CACNA2D3: variants seen among roughly 807,000 people sequenced by gnomAD.
CACNA2D3 encodes the protein voltage-dependent calcium channel subunit alpha-2/delta-3.
A neutral mutation model predicts 160.6 loss-of-function variants in CACNA2D3; 60 were observed. That is an observed-to-expected ratio of 0.37 (90% CI 0.30 to 0.46). The LOEUF (loss-of-function observed/expected upper bound fraction) is 0.46, where lower values mean the gene tolerates loss of function less well. Ranked by LOEUF, CACNA2D3 falls within the 20% of genes least tolerant of loss-of-function variation. The pLI, the probability that CACNA2D3 is intolerant of heterozygous loss-of-function variation, is 1.00. For synonymous variants in CACNA2D3, 558 were observed against 492.9 expected, an observed-to-expected ratio of 1.13 and a Z score of -1.75; for missense variants, 1,205 against 1,365.0, an observed-to-expected ratio of 0.88 and a Z score of 1.85.
chr3:55,055,235 A>G (rs996748041), intron 35 of CACNA2D3, among the ~76,000 whole-genome samples: 6 of 151,998 alleles, frequency 3.9e-5, no homozygotes, highest in African/African-American at 1.4e-4. Context: ...TGATTTTTGT[A>G]CATAATGTGC....
intron 35 of CACNA2D3, among the ~76,000 whole-genome samples, chr3:55,034,886 T>A (rs929383966): frequency 1.1e-4 from 17 of 152,160 alleles, no homozygotes; most frequent in African/African-American, 4.1e-4. Context: ...CTTTCAAGTA[T>A]CAATTCCTAG....
chr3:54,384,235 A>G (rs1336342681), intron 3 of CACNA2D3, among the ~76,000 whole-genome samples: 1 of 152,170 alleles, frequency 6.6e-6, no homozygotes, highest in Non-Finnish European at 1.5e-5. Context: ...CAGTGCGTAG[A>G]CACCATCAAA....
At chr3:54,614,234 C>A (rs934807209) in intron 9 of CACNA2D3, among the ~76,000 whole-genome samples, 4 of 152,194 alleles carry the variant, frequency 2.6e-5, no homozygotes, top group African/African-American at 2.4e-5. Flanking sequence ...GACCAGAGGA[C>A]GTTGTACCTA....
intron 4 of CACNA2D3, among the ~76,000 whole-genome samples, chr3:54,490,972 GT>G (rs1228071246): frequency 6.6e-6 from 1 of 152,156 alleles, no homozygotes; most frequent in Non-Finnish European, 1.5e-5. Context: ...GGAGTTCACA[GT>G]TACTCCACGT....
chr3:54,903,540 T>C (rs1278679846), intron 27 of CACNA2D3, among the ~76,000 whole-genome samples: 3 of 152,260 alleles, frequency 2.0e-5, no homozygotes, highest in African/African-American at 4.8e-5. Flanking sequence ...GTCTTTATGA[T>C]AGAATGATTT....
chr3:54,501,782 T>A (rs544981456), intron 4 of CACNA2D3, among the ~76,000 whole-genome samples: 1 of 152,292 alleles, frequency 6.6e-6, no homozygotes, highest in Non-Finnish European at 1.5e-5. Context: ...GCTTCTCTCT[T>A]AAGAACTTTT....
intron 2 of CACNA2D3, among the ~76,000 whole-genome samples, chr3:54,288,790 T>G (rs1553780391): frequency 1.3e-5 from 2 of 152,102 alleles, no homozygotes; most frequent in Non-Finnish European, 2.9e-5. Flanking sequence ...ATAAATGTAA[T>G]CCAGCATATA....
intron 2 of CACNA2D3, among the ~76,000 whole-genome samples, chr3:54,175,846 G>A (rs1416524379): frequency 6.6e-6 from 1 of 152,088 alleles, no homozygotes; most frequent in Non-Finnish European, 1.5e-5. Flanking sequence ...ACAGGGAGAA[G>A]TCAGTGGGCT....
intron 11 of CACNA2D3, among the ~76,000 whole-genome samples, chr3:54,658,833 A>G (rs753944344): frequency 4.6e-5 from 7 of 151,962 alleles, no homozygotes; most frequent in Non-Finnish European, 1.0e-4. Flanking sequence ...TCTTGGTGGG[A>G]GTCAGCAAGG....
chr3:54,731,764 T>C (rs1701391498), intron 11 of CACNA2D3, among the ~76,000 whole-genome samples: 1 of 152,098 alleles, frequency 6.6e-6, no homozygotes, highest in South Asian at 2.1e-4. Flanking sequence ...TTAAAATGTC[T>C]GAGTTCTCTG....
In CACNA2D3 at chr3:55,058,314, C is replaced by T. The variant is rs999894587; in HGVS notation, c.2988-15131C>T. On this transcript the variant is annotated intron_variant, in intron 35 of 37. Transcript: ENST00000474759. ...CTTAGATAGAGTCAAAGTAGGAAGG[C>T]ATGAATTCAGCTTTTATTTCAGTCA... is the stretch of plus-strand genomic sequence containing the variant. 7.9e-5 allele frequency among the ~76,000 whole-genome samples: 12 copies of T among 152,178 alleles called. No individual in the cohort carries two copies. The East Asian group carries it at 1.2e-3, about 15-fold the overall frequency.
chr3:54,999,486 G>A (rs915642999), intron 31 of CACNA2D3, among the ~76,000 whole-genome samples: 7 of 152,186 alleles, frequency 4.6e-5, no homozygotes, highest in South Asian at 2.1e-4. Context: ...TTTTCAATTC[G>A]GAATTGCTTA....
intron 4 of CACNA2D3, among the ~76,000 whole-genome samples, chr3:54,407,123 G>T (rs541218640): frequency 6.6e-6 from 1 of 152,092 alleles, no homozygotes; most frequent in African/African-American, 2.4e-5. Context: ...CTCACTGGGG[G>T]TTTTCCTGAG....
chr3:54,809,323 T>C (rs796165377), intron 13 of CACNA2D3, among the ~76,000 whole-genome samples: 27 of 110,460 alleles, frequency 2.4e-4, no homozygotes, highest in African/African-American at 8.2e-4. Context: ...TTTTTTTTTT[T>C]TTTTTTGAGA....
intron 4 of CACNA2D3, among the ~76,000 whole-genome samples, chr3:54,483,200 T>C (rs1388146970): frequency 6.6e-6 from 1 of 152,210 alleles, no homozygotes; most frequent in Non-Finnish European, 1.5e-5. Flanking sequence ...ATTTGCACTT[T>C]TTGTATGCAT....
At chr3:54,357,949 T>A (rs2107538752) in intron 3 of CACNA2D3, among the ~76,000 whole-genome samples, 1 of 152,322 alleles carries the variant, frequency 6.6e-6, no homozygotes, top group East Asian at 1.9e-4. Flanking sequence ...ACAGGAAAGT[T>A]TTAGGGCAAT....
intron 13 of CACNA2D3, among the ~76,000 whole-genome samples, chr3:54,779,128 C>T (rs1702483524): frequency 1.3e-5 from 2 of 151,924 alleles, no homozygotes; most frequent in South Asian, 4.1e-4. Flanking sequence ...GACAGAGTCT[C>T]CTTCTGTTGC....
At chr3:54,175,391 C>T (rs975268156) in intron 2 of CACNA2D3, among the ~76,000 whole-genome samples, 2 of 151,720 alleles carry the variant, frequency 1.3e-5, no homozygotes, top group African/African-American at 2.4e-5. Flanking sequence ...CCGAGGCGGG[C>T]GGGTCATGAG....
chr3:54,187,714 C>G (rs1209741700), intron 2 of CACNA2D3, among the ~76,000 whole-genome samples: 1 of 152,098 alleles, frequency 6.6e-6, no homozygotes, highest in African/African-American at 2.4e-5. Context: ...GAAACTGTTC[C>G]GTCTCAGATC....
Sources: allele counts gnomAD v4.1 joint callset (sites outside exome capture counted in the v4.1 genomes callset), GRCh38; gene constraint gnomAD v4.1.1; transcripts MANE v1.5; gene names NCBI Gene and HGNC (gene_info 2026-07-23, HGNC 2026-07-21).